Variants in CLEC17A observed in about 807,000 individuals in gnomAD.
The protein encoded by CLEC17A is C-type lectin domain containing 17A.
CLEC17A carries 37 observed loss-of-function variants against 61.3 expected under a neutral mutation model. The observed-to-expected ratio is 0.60, with a 90% CI of 0.46 to 0.79. The LOEUF is 0.79. CLEC17A is among the 30% of genes least tolerant of loss of function. The pLI is 0.00. For synonymous variants in CLEC17A, 168 were observed against 164.9 expected (o/e 1.02, Z -0.14); for missense variants, 418 against 464.7 (o/e 0.90, Z 0.92).
rs539103457 is a variant in CLEC17A at position 14,585,968 on chromosome 19, C to T, written c.122-1646C>T. The stretch of plus-strand genomic sequence containing the variant: ...GAATACTTAACACCTATCCCCTTAA[C>T]ATCTTGTTACAAATGTTACCACTTC... On this transcript the variant is annotated intron_variant, in intron 2 of 13. Coordinates refer to ENST00000417570, the MANE Select transcript of CLEC17A (RefSeq NM_001204118.2). 1.4e-4 allele frequency among the ~76,000 whole-genome samples: 21 copies of T among 152,076 alleles called. 1 individual carries two copies. Among genetic ancestry groups the T allele is most frequent in the African/African-American group, 4.3e-4 (18 of 41,460 alleles).
At chr19:14,589,555 C>T (rs1031946940) in intron 3 of CLEC17A, among the ~76,000 whole-genome samples, 1 of 121,244 alleles carries the variant, frequency 8.2e-6, no homozygotes, top group Admixed American at 8.3e-5. Context: ...TACACCCTCC[C>T]GAGTAGCTGG....
chr19:14,609,970 C>A, intron 13 of CLEC17A, 94 bp from the exon 14 acceptor site: 1 of 923,418 alleles, frequency 1.1e-6, no homozygotes, highest in South Asian at 1.5e-5. Flanking sequence ...TTGCCAAATG[C>A]GTAGTGCCAG....
chr19:14,608,528 C>A (rs2074959578), intron 13 of CLEC17A, among the ~76,000 whole-genome samples: 1 of 152,064 alleles, frequency 6.6e-6, no homozygotes, highest in Non-Finnish European at 1.5e-5. Flanking sequence ...ATATTTCCTC[C>A]ATTGCAACAT....
In CLEC17A at chr19:14,583,178, C is replaced by T. The variant is rs2074204389; in HGVS notation, c.18C>T (p.Ser6=). The change falls in exon 1 of 14, where the codon TCC becomes TCT. Residue 6 remains serine, a synonymous_variant. Transcript: ENST00000417570. MHNLY[S]ITGYPDPPGT... Reference sequence around the variant, plus strand: ...TGCTAGACATGCATAATCTGTATTCCATCACTGGGTACCCGGACCCACCAG... The same window carrying T: ...TGCTAGACATGCATAATCTGTATTCTATCACTGGGTACCCGGACCCACCAG... The T allele has an allele frequency of 6.2e-7, 1 of 1,613,978 alleles. No individual in the cohort carries two copies. The highest frequency in any genetic ancestry group is 8.5e-7 in the Non-Finnish European group (1 of 1,179,882).
intron 3 of CLEC17A, among the ~76,000 whole-genome samples, 179 bp downstream of exon 3, chr19:14,587,870 G>A (rs2074323113): frequency 6.6e-6 from 1 of 152,104 alleles, no homozygotes; most frequent in Non-Finnish European, 1.5e-5. Context: ...GGCAGGATTG[G>A]GCACAGTCTT....
At position 14,607,024 on chromosome 19, in the gene CLEC17A, G is replaced by T; in HGVS notation, c.926G>T (p.Arg309Leu). The T allele has an allele frequency of 1.5e-6, 2 of 1,320,676 alleles. No individual in the cohort carries two copies. The highest frequency in any genetic ancestry group is 9.7e-7 in the Non-Finnish European group (1 of 1,029,670). The allele number at this position is 1,320,676 out of a possible 1,614,324, so 81.8% of individuals were successfully genotyped here. ...NFVAKAHGSP[R>L]VYWLGLNDRA... ...GTGGCCAAGGCCCATGGCTCTCCAC[G>T]GGTGTACTGGCTGGGGCTGAATGAC... The change falls in exon 13 of 14, where the codon CGG (arginine) becomes CTG (leucine). Residue 309 changes from arginine to leucine, a missense_variant. Arg to Leu is a moderately radical substitution (Grantham distance 102). Transcript: ENST00000417570.
At chr19:14,594,324 C>T (rs1465591185) in intron 4 of CLEC17A, among the ~76,000 whole-genome samples, 193 bp from the exon 5 acceptor site, 1 of 151,930 alleles carries the variant, frequency 6.6e-6, no homozygotes. Flanking sequence ...GGGAGATACC[C>T]AGGCAATCTA....
intron 7 of CLEC17A, 124 bp from the exon 8 acceptor site, chr19:14,595,150 G>A: frequency 9.1e-7 from 1 of 1,093,296 alleles, no homozygotes; most frequent in Non-Finnish European, 1.4e-6. Flanking sequence ...GGAATTACAG[G>A]CGTGAGCCAC....
At chr19:14,590,541 C>A (rs1231922153) in intron 3 of CLEC17A, among the ~76,000 whole-genome samples, 1 of 152,094 alleles carries the variant, frequency 6.6e-6, no homozygotes, top group Admixed American at 6.5e-5. Flanking sequence ...GCATGTGCCA[C>A]CGTGCCCGGC....
Position 14,610,142 on chromosome 19 carries a change from T to C in CLEC17A, c.1083T>C (p.Asp361=). 6.2e-7 allele frequency: 1 copy of C among 1,604,290 alleles called. No individual in the cohort carries two copies. Among genetic ancestry groups the C allele is most frequent in the Non-Finnish European group, 8.5e-7 (1 of 1,175,274 alleles). ...TGAACAAAGGTGGCACCTGGAATGA[T>C]CTCTCTTGCTACAAAACTACGTATT... ...ATMNKGGTWN[D]LSCYKTTYWI... is the part of the protein sequence containing the mutation. Residue 361 remains aspartate (D), a synonymous_variant, in exon 14 of 14, where the codon GAT becomes GAC. Transcript: ENST00000417570.
intron 2 of CLEC17A, among the ~76,000 whole-genome samples, chr19:14,586,173 C>T (rs376291825): frequency 6.7e-5 from 10 of 150,176 alleles, no homozygotes; most frequent in African/African-American, 2.0e-4. Context: ...CTGCCCAGGC[C>T]GGAGTGCAAT....
At chr19:14,609,799 C>T (rs951868869) in intron 13 of CLEC17A, among the ~76,000 whole-genome samples, 5 of 151,640 alleles carry the variant, frequency 3.3e-5, no homozygotes, top group Admixed American at 6.6e-5. Flanking sequence ...GATCACGCCA[C>T]TGCACTCCAG....
chr19:14,611,094 ATTAAGTGGG>A lies in CLEC17A; in HGVS notation c.*899_*907del, dbSNP rs1253900576. ...CTAGATCTGCCTCGCACAGAAATAC[ATTAAGTGGG>A]CTGGTCTCATGTAGTCCCCACATCA... On this transcript the variant is annotated 3_prime_UTR_variant, in exon 14 of 14. Transcript: ENST00000417570. 4.0e-5 allele frequency: 6 copies of A among 151,550 alleles called. No homozygotes were observed. The highest frequency in any genetic ancestry group is 9.7e-5 in the African/African-American group (4 of 41,154). 9.4% of individuals were successfully genotyped at this position (151,550 alleles called of 1,614,324 possible). A position where few individuals can be genotyped will look rare whatever the true frequency, so the allele number is the denominator to read the frequency against.
chr19:14,587,393 C>A (rs990845236), intron 2 of CLEC17A, among the ~76,000 whole-genome samples: 2 of 152,132 alleles, frequency 1.3e-5, no homozygotes, highest in Non-Finnish European at 2.9e-5. Context: ...TACCCCTTGT[C>A]ATGTTCCTGG....
intron 3 of CLEC17A, 36 bp downstream of exon 3, chr19:14,587,727 A>G (rs369735739): frequency 1.2e-6 from 2 of 1,610,202 alleles, no homozygotes; most frequent in Non-Finnish European, 1.7e-6. Context: ...CTGGGGGAAT[A>G]CAGGGAACGG....
At chr19:14,602,590 G>T (rs2074748888) in intron 12 of CLEC17A, among the ~76,000 whole-genome samples, 1 of 152,162 alleles carries the variant, frequency 6.6e-6, no homozygotes, top group African/African-American at 2.4e-5. Flanking sequence ...ACTGTACCCA[G>T]CCTAATTGGT....
chr19:14,607,393 C>T (rs541619113), intron 13 of CLEC17A, among the ~76,000 whole-genome samples: 170 of 151,416 alleles, frequency 1.1e-3, no homozygotes, highest in Middle Eastern at 6.8e-3. Context: ...TTAGTAGAGA[C>T]GGGGTTTCAC....
intron 10 of CLEC17A, 137 bp from the exon 11 acceptor site, chr19:14,599,580 C>T (rs183175546): frequency 1.4e-4 from 98 of 724,308 alleles, no homozygotes; most frequent in African/African-American, 1.2e-3. Context: ...GGTTTTTGAG[C>T]GCAAGCGTGA....
Position 14,605,733 on chromosome 19 carries a change from G to A in CLEC17A, c.895-1260G>A, listed in dbSNP as rs561711665. Among the ~76,000 whole-genome samples, 80 of 151,924 alleles carry A rather than the reference G, an allele frequency of 5.3e-4. 1 individual carries two copies. Among genetic ancestry groups the A allele is most frequent in the African/African-American group, 1.9e-3 (80 of 41,410 alleles). ...CATAAGTCCTTTCTTTTCTTCCAAA[G>A]ACCTGGGATTTTGACTTTTTTCCGG... On this transcript the variant is annotated intron_variant, in intron 12 of 13. Coordinates refer to ENST00000417570, the MANE Select transcript of CLEC17A (RefSeq NM_001204118.2).
Sources: gnomAD v4.1 joint callset for allele counts (sites outside exome capture counted in the v4.1 genomes callset) on GRCh38, gnomAD v4.1.1 for gene constraint, MANE v1.5 for transcripts, NCBI Gene and HGNC (gene_info 2026-07-23, HGNC 2026-07-21) for gene names.